The following SORCS2 variants were observed in gnomAD, a reference collection of about 807,000 sequenced individuals.
SORCS2 encodes the protein VPS10 domain-containing receptor SorCS2.
SORCS2 carries 100 observed loss-of-function variants against 141.6 expected under a neutral mutation model. The ratio of observed to expected loss-of-function variants is 0.71; its 90% confidence interval spans 0.60 to 0.83. SORCS2 has a LOEUF of 0.83. Ranked by LOEUF, SORCS2 falls within the 40% of genes least tolerant of loss-of-function variation. SORCS2 has a pLI of 0.00. For synonymous variants in SORCS2, 789 were observed against 676.9 expected (o/e 1.17, Z -2.57); for missense variants, 1,646 against 1,560.2 (o/e 1.05, Z -0.93).
At chr4:7,723,330 C>T (rs1332920429) in intron 18 of SORCS2, among the ~76,000 whole-genome samples, 1 of 152,202 alleles carries the variant, frequency 6.6e-6, no homozygotes, top group African/African-American at 2.4e-5. Context: ...AGGCCCCTCA[C>T]CTTCCTGGCT....
At chr4:7,426,784 GTA>G (rs1218070073) in intron 2 of SORCS2, among the ~76,000 whole-genome samples, 1 of 152,212 alleles carries the variant, frequency 6.6e-6, no homozygotes. Flanking sequence ...GGTCACACAG[GTA>G]GCGAGTGGTG....
intron 12 of SORCS2, among the ~76,000 whole-genome samples, 196 bp from the exon 13 acceptor site, chr4:7,703,084 A>C (rs1172441720): frequency 6.6e-6 from 1 of 152,200 alleles, no homozygotes; most frequent in Non-Finnish European, 1.5e-5. Context: ...TCAGTCATCC[A>C]GGGTGCGCTG....
intron 11 of SORCS2, among the ~76,000 whole-genome samples, chr4:7,696,147 C>T (rs1007312897): frequency 2.6e-5 from 4 of 152,214 alleles, no homozygotes; most frequent in South Asian, 2.1e-4. Flanking sequence ...GACTTCTAAA[C>T]TTGACCCTGG....
intron 3 of SORCS2, among the ~76,000 whole-genome samples, chr4:7,629,772 C>T (rs1358955640): frequency 2.6e-5 from 4 of 152,032 alleles, no homozygotes; most frequent in African/African-American, 9.7e-5. Context: ...CACCCTCCCT[C>T]TACTTGGGTG....
intron 2 of SORCS2, among the ~76,000 whole-genome samples, chr4:7,517,094 A>T (rs191269072): frequency 2.7e-4 from 41 of 152,320 alleles, no homozygotes; most frequent in Admixed American, 2.4e-3. Context: ...CATCGCCATG[A>T]TTACTACTAC....
intron 3 of SORCS2, among the ~76,000 whole-genome samples, chr4:7,636,701 C>G (rs1361662311): frequency 6.6e-6 from 1 of 152,100 alleles, no homozygotes; most frequent in Non-Finnish European, 1.5e-5. Flanking sequence ...AAAACCTAAA[C>G]CAGGCCACCC....
intron 3 of SORCS2, among the ~76,000 whole-genome samples, chr4:7,573,373 G>A (rs932319460): frequency 1.3e-5 from 2 of 152,196 alleles, no homozygotes; most frequent in Non-Finnish European, 2.9e-5. Flanking sequence ...CGGTTACTGT[G>A]TGGCAATGCA....
At chr4:7,275,640 C>G (rs1355259309) in intron 1 of SORCS2, among the ~76,000 whole-genome samples, 1 of 152,124 alleles carries the variant, frequency 6.6e-6, no homozygotes, top group Admixed American at 6.5e-5. Flanking sequence ...GTACCTGGTT[C>G]TAGAATTTCT....
chr4:7,660,651 C>G (rs2108913962), intron 5 of SORCS2, among the ~76,000 whole-genome samples: 1 of 152,312 alleles, frequency 6.6e-6, no homozygotes, highest in African/African-American at 2.4e-5. Context: ...TGAGACTGCC[C>G]TGGTCTGAGC....
At chr4:7,253,834 AT>A (rs1253494023) in intron 1 of SORCS2, among the ~76,000 whole-genome samples, 1 of 152,152 alleles carries the variant, frequency 6.6e-6, no homozygotes, top group Non-Finnish European at 1.5e-5. Flanking sequence ...CGTGGATGGA[AT>A]TTGCCTCTTC....
intron 7 of SORCS2, among the ~76,000 whole-genome samples, chr4:7,666,511 A>G (rs550736771): frequency 5.5e-4 from 83 of 152,116 alleles, no homozygotes; most frequent in African/African-American, 1.9e-3. Context: ...GGGATGGGAG[A>G]AACCTCAGCC....
At chr4:7,363,263 T>TACC (rs2109027657) in intron 1 of SORCS2, among the ~76,000 whole-genome samples, 1 of 146,840 alleles carries the variant, frequency 6.8e-6, no homozygotes, top group South Asian at 2.1e-4. Flanking sequence ...CCATCATTAC[T>TACC]ACCATTACCA....
intron 1 of SORCS2, among the ~76,000 whole-genome samples, chr4:7,313,610 A>G (rs885310): frequency 0.063 from 9,610 of 152,244 alleles, 429 homozygotes; most frequent in East Asian, 0.18. Context: ...AGGGCCATAG[A>G]TGAAACTGGC....
At chr4:7,326,751 G>A (rs1012633943) in intron 1 of SORCS2, among the ~76,000 whole-genome samples, 1 of 152,234 alleles carries the variant, frequency 6.6e-6, no homozygotes, top group South Asian at 2.1e-4. Flanking sequence ...GGCTGGAGGC[G>A]CTGTGACCCA....
chr4:7,254,255 A>T (rs1713699801), intron 1 of SORCS2, among the ~76,000 whole-genome samples: 2 of 152,240 alleles, frequency 1.3e-5, no homozygotes, highest in African/African-American at 4.8e-5. Context: ...AGCAGCAAAG[A>T]TATAGAATCA....
chr4:7,508,350 C>CTTT (rs35443053), intron 2 of SORCS2, among the ~76,000 whole-genome samples: 5 of 69,730 alleles, frequency 7.2e-5, no homozygotes, highest in Non-Finnish European at 1.1e-4. Context: ...AGATCTCAGG[C>CTTT]TTTTTTTTTT....
At chr4:7,454,866 AGGT>A in intron 2 of SORCS2, among the ~76,000 whole-genome samples, 1 of 102,670 alleles carries the variant, frequency 9.7e-6, no homozygotes, top group Non-Finnish European at 1.9e-5. Flanking sequence ...TGTTGGGGTC[AGGT>A]GCTGTGTGTT....
At chr4:7,214,864 C>T (rs1028386338) in intron 1 of SORCS2, among the ~76,000 whole-genome samples, 21 of 152,198 alleles carry the variant, frequency 1.4e-4, no homozygotes, top group South Asian at 4.1e-4. Flanking sequence ...GGCTGTAGGT[C>T]TGTTCTGCTC....
intron 5 of SORCS2, 137 bp downstream of exon 5, chr4:7,654,344 C>G (rs149708802): frequency 2.4e-6 from 2 of 824,042 alleles, no homozygotes; most frequent in African/African-American, 3.4e-5. Context: ...GGGTCCCCAC[C>G]GTCCACTGCC....
Sources: allele counts gnomAD v4.1 joint callset (sites outside exome capture counted in the v4.1 genomes callset), GRCh38; gene constraint gnomAD v4.1.1; transcripts MANE v1.5; gene names NCBI Gene and HGNC (gene_info 2026-07-23, HGNC 2026-07-21).